CACNA1D: variants seen among roughly 807,000 people sequenced by gnomAD.
CACNA1D encodes calcium voltage-gated channel subunit alpha1 D, also known as voltage-dependent L-type calcium channel subunit alpha-1D.
Under a neutral mutation model 257.1 loss-of-function variants are expected in CACNA1D, and 55 were observed. That is an observed-to-expected ratio of 0.21 (90% CI 0.17 to 0.27). The LOEUF is 0.27. CACNA1D is among the 10% of genes least tolerant of loss of function. The pLI is 1.00. For synonymous variants in CACNA1D, 980 were observed against 1,014.9 expected, an observed-to-expected ratio of 0.97 and a Z score of 0.65; for missense variants, 1,876 against 2,784.0, an observed-to-expected ratio of 0.67 and a Z score of 7.34.
At chr3:53,675,776 A>G (rs2094369494) in intron 8 of CACNA1D, among the ~76,000 whole-genome samples, 1 of 152,188 alleles carries the variant, frequency 6.6e-6, no homozygotes, top group Non-Finnish European at 1.5e-5. Context: ...ATATTTTTTC[A>G]TCAAAACAAA....
intron 9 of CACNA1D, among the ~76,000 whole-genome samples, 167 bp from the exon 10 acceptor site, chr3:53,718,134 T>G (rs981046821): frequency 6.6e-6 from 1 of 152,172 alleles, no homozygotes; most frequent in African/African-American, 2.4e-5. Flanking sequence ...GCAGTGGAGA[T>G]GCCTGGCTCC....
chr3:53,500,792 G>A (rs901692670), intron 2 of CACNA1D, among the ~76,000 whole-genome samples: 1 of 152,200 alleles, frequency 6.6e-6, no homozygotes, highest in African/African-American at 2.4e-5. Context: ...GTTTAGGTAA[G>A]TATCTCTTGA....
chr3:53,719,694 T>G, intron 10 of CACNA1D, 61 bp from the exon 11 acceptor site: 1 of 1,420,654 alleles, frequency 7.0e-7, no homozygotes, highest in Non-Finnish European at 1.0e-6. Context: ...GCTGAAATGA[T>G]GGGGAGTGTG....
chr3:53,714,340 C>G (rs1002145467), intron 9 of CACNA1D, among the ~76,000 whole-genome samples: 16 of 152,192 alleles, frequency 1.1e-4, no homozygotes, highest in Non-Finnish European at 2.1e-4. Flanking sequence ...CTGAAGGGGA[C>G]AAGGCCATCA....
At chr3:53,666,308 G>GA in intron 6 of CACNA1D, 31 bp from the exon 7 acceptor site, 1 of 1,603,048 alleles carries the variant, frequency 6.2e-7, no homozygotes, top group Non-Finnish European at 8.5e-7. Context: ...TTTCTGTCCT[G>GA]AGCGGTACAG....
Position 53,809,893 on chromosome 3 carries a change from C to A in CACNA1D, c.5872-85C>A, listed in dbSNP as rs758098705. 46 of 1,282,770 alleles carry A rather than the reference C, an allele frequency of 3.6e-5. No individual in the cohort carries two copies. In the South Asian group the frequency reaches 5.3e-4, roughly 15 times the overall value. 79.5% of individuals were successfully genotyped at this position (1,282,770 alleles called of 1,614,324 possible). A position where few individuals can be genotyped will look rare whatever the true frequency, so the allele number is the denominator to read the frequency against. ...CCTGGACTGCCCCTGGCGAGCGCAGCGCCGGTGCTTGGTCTGTGCGCAGAA... is the reference window on the plus strand; with the variant it reads ...CCTGGACTGCCCCTGGCGAGCGCAGAGCCGGTGCTTGGTCTGTGCGCAGAA... On this transcript the variant is annotated intron_variant, in intron 46 of 47. Transcript: ENST00000350061.
intron 3 of CACNA1D, among the ~76,000 whole-genome samples, chr3:53,543,792 T>C (rs2092354637): frequency 6.6e-6 from 1 of 152,194 alleles, no homozygotes; most frequent in African/African-American, 2.4e-5. Context: ...GGCTGGTAAA[T>C]GGTAGATTCA....
intron 3 of CACNA1D, among the ~76,000 whole-genome samples, chr3:53,590,926 G>A (rs2093295104): frequency 6.6e-6 from 1 of 152,190 alleles, no homozygotes; most frequent in Non-Finnish European, 1.5e-5. Flanking sequence ...CCTACTGCCT[G>A]TCCTGCATTT....
chr3:53,505,115 GTTTTTTTT>G (rs35938386), intron 3 of CACNA1D, among the ~76,000 whole-genome samples: 1 of 97,620 alleles, frequency 1.0e-5, no homozygotes, highest in Non-Finnish European at 1.9e-5. Context: ...TTGTTTATTT[GTTTTTTTT>G]TTTTTTTTTT....
intron 3 of CACNA1D, among the ~76,000 whole-genome samples, chr3:53,575,673 C>G (rs1311419727): frequency 6.6e-6 from 1 of 151,982 alleles, no homozygotes; most frequent in African/African-American, 2.4e-5. Flanking sequence ...TCCCTTCATG[C>G]GGTTGTTACT....
chr3:53,704,145 T>C (rs1009085037), intron 9 of CACNA1D, among the ~76,000 whole-genome samples: 1 of 151,942 alleles, frequency 6.6e-6, no homozygotes, highest in Non-Finnish European at 1.5e-5. Context: ...TGAGGTGCAA[T>C]TGTGCCTCTT....
At chr3:53,518,127 C>T (rs899773642) in intron 3 of CACNA1D, among the ~76,000 whole-genome samples, 3 of 152,188 alleles carry the variant, frequency 2.0e-5, no homozygotes, top group African/African-American at 7.2e-5. Flanking sequence ...TGTGGCTTTG[C>T]ACGTCGGGTG....
chr3:53,583,134 C>T (rs564531733), intron 3 of CACNA1D, among the ~76,000 whole-genome samples: 22 of 152,156 alleles, frequency 1.4e-4, no homozygotes, highest in Non-Finnish European at 2.8e-4. Flanking sequence ...CTGCCCAGAA[C>T]TTGGCCTCAG....
At chr3:53,604,687 C>G (rs1204907772) in intron 3 of CACNA1D, among the ~76,000 whole-genome samples, 1 of 152,212 alleles carries the variant, frequency 6.6e-6, no homozygotes, top group Non-Finnish European at 1.5e-5. Flanking sequence ...AGTGCCTTAA[C>G]TGTAAAGTGC....
chr3:53,692,774 C>G (rs1449278836), intron 8 of CACNA1D, among the ~76,000 whole-genome samples: 1 of 152,230 alleles, frequency 6.6e-6, no homozygotes, highest in Non-Finnish European at 1.5e-5. Context: ...ATCAACAACC[C>G]TGGCTGGGCA....
intron 43 of CACNA1D, among the ~76,000 whole-genome samples, chr3:53,803,064 G>A (rs2095544058): frequency 6.6e-6 from 1 of 152,106 alleles, no homozygotes; most frequent in African/African-American, 2.4e-5. Flanking sequence ...GAGAGGGAGG[G>A]ATCAGAGCAG....
intron 3 of CACNA1D, among the ~76,000 whole-genome samples, chr3:53,649,115 G>A (rs2094058535): frequency 6.6e-6 from 1 of 152,148 alleles, no homozygotes; most frequent in Non-Finnish European, 1.5e-5. Flanking sequence ...GAGGGGAAGC[G>A]ATTCTGGCAG....
At chr3:53,594,263 C>T (rs376057443) in intron 3 of CACNA1D, among the ~76,000 whole-genome samples, 87 of 152,308 alleles carry the variant, frequency 5.7e-4, no homozygotes, top group African/African-American at 1.9e-3. Context: ...GAGTTGGTCT[C>T]AAAGGTGGCT....
At chr3:53,714,194 C>T (rs2094793877) in intron 9 of CACNA1D, among the ~76,000 whole-genome samples, 1 of 152,212 alleles carries the variant, frequency 6.6e-6, no homozygotes, top group African/African-American at 2.4e-5. Flanking sequence ...ACAGCTTGTT[C>T]ATGTGCAGAT....
Sources: gnomAD v4.1 joint callset for allele counts (sites outside exome capture counted in the v4.1 genomes callset) on GRCh38, gnomAD v4.1.1 for gene constraint, MANE v1.5 for transcripts, NCBI Gene and HGNC (gene_info 2026-07-23, HGNC 2026-07-21) for gene names.